FMN1: variants seen among roughly 807,000 people sequenced by gnomAD.
The protein encoded by FMN1 is formin-1.
A neutral mutation model predicts 132.4 loss-of-function variants in FMN1; 110 were observed. That is an observed-to-expected ratio of 0.83 (90% CI 0.71 to 0.97). The LOEUF is 0.97. Ranked by LOEUF, FMN1 falls within the 50% of genes least tolerant of loss-of-function variation. FMN1 has a pLI of 0.00. For synonymous variants in FMN1, 722 were observed against 651.7 expected, an observed-to-expected ratio of 1.11 and a Z score of -1.64; for missense variants, 1,792 against 1,705.3, an observed-to-expected ratio of 1.05 and a Z score of -0.90.
At chr15:32,838,084 T>C (rs1373743291) in intron 17 of FMN1, among the ~76,000 whole-genome samples, 1 of 151,900 alleles carries the variant, frequency 6.6e-6, no homozygotes, top group Non-Finnish European at 1.5e-5. Context: ...ACAACCACAA[T>C]AAAAGGCCGG....
chr15:33,144,906 T>C (rs1455402013), intron 4 of FMN1, among the ~76,000 whole-genome samples: 1 of 152,214 alleles, frequency 6.6e-6, no homozygotes, highest in African/African-American at 2.4e-5. Flanking sequence ...GTAATTATAA[T>C]AAAGCTAATT....
intron 7 of FMN1, among the ~76,000 whole-genome samples, chr15:32,982,039 G>GA (rs895663093): frequency 4.9e-4 from 74 of 150,778 alleles, no homozygotes; most frequent in Admixed American, 7.9e-4. Context: ...CAAAAATAAG[G>GA]AAAAAAAAAT....
chr15:33,047,348 G>A (rs192068010), intron 6 of FMN1, among the ~76,000 whole-genome samples: 110 of 152,306 alleles, frequency 7.2e-4, no homozygotes, highest in Non-Finnish European at 8.8e-5. Context: ...GTTTTCACCT[G>A]TGAGGTTACT....
intron 16 of FMN1, among the ~76,000 whole-genome samples, chr15:32,884,145 A>T (rs1410914456): frequency 6.6e-6 from 1 of 152,174 alleles, no homozygotes. Context: ...TACTATAATA[A>T]ATTAGCACAA....
chr15:33,099,120 A>C (rs1285635194), intron 4 of FMN1, among the ~76,000 whole-genome samples: 1 of 152,030 alleles, frequency 6.6e-6, no homozygotes, highest in African/African-American at 2.4e-5. Flanking sequence ...ATCTACAAAA[A>C]AAAGACCCAA....
chr15:32,812,123 A>T (rs1367140232), intron 17 of FMN1, among the ~76,000 whole-genome samples: 1 of 152,200 alleles, frequency 6.6e-6, no homozygotes, highest in Non-Finnish European at 1.5e-5. Context: ...TGAACTGCAG[A>T]ACACAGAAAA....
intron 19 of FMN1, among the ~76,000 whole-genome samples, chr15:32,797,649 T>C (rs973483019): frequency 6.6e-6 from 1 of 152,156 alleles, no homozygotes; most frequent in African/African-American, 2.4e-5. Context: ...TTAATTCCCA[T>C]GTTCCCAAAG....
chr15:32,776,844 A>T lies in FMN1; in HGVS notation c.4206T>A (p.Thr1402=), dbSNP rs1377877279. The stretch of plus-strand genomic sequence containing the variant: ...GAAAAATATATCTCACCAGGCTAGC[A>T]GTGGGATTGATTTTCTTTGTCTCCA... The part of the protein sequence containing the change: ...KKVETKKINP[T]ASLKERLRQK... Residue 1402 remains threonine (T), a synonymous_variant, in exon 20 of 21, where the codon ACT becomes ACA. Transcript: ENST00000616417. 1 of 1,576,884 alleles carries T rather than the reference A, an allele frequency of 6.3e-7. No individual in the cohort carries two copies. Among genetic ancestry groups the T allele is most frequent in the Non-Finnish European group, 8.7e-7 (1 of 1,153,496 alleles).
At chr15:33,111,665 G>T (rs976280584) in intron 4 of FMN1, among the ~76,000 whole-genome samples, 2 of 152,082 alleles carry the variant, frequency 1.3e-5, no homozygotes, top group African/African-American at 4.8e-5. Flanking sequence ...TCAAAAACAT[G>T]CTAAGTAGAT....
At chr15:32,991,992 A>G (rs986925317) in intron 7 of FMN1, among the ~76,000 whole-genome samples, 3 of 152,198 alleles carry the variant, frequency 2.0e-5, no homozygotes, top group African/African-American at 7.2e-5. Context: ...ACCATGAACT[A>G]TAGACCTTGT....
At chr15:32,920,158 T>C (rs1264921099) in intron 10 of FMN1, among the ~76,000 whole-genome samples, 1 of 152,114 alleles carries the variant, frequency 6.6e-6, no homozygotes, top group Admixed American at 6.6e-5. Context: ...TCAAGAATAG[T>C]CAACAGCAAT....
intron 16 of FMN1, among the ~76,000 whole-genome samples, chr15:32,883,796 G>C (rs1212238153): frequency 2.0e-5 from 3 of 152,264 alleles, no homozygotes; most frequent in Admixed American, 1.3e-4. Flanking sequence ...CATGCTTTAA[G>C]TTAGGAAATG....
chr15:32,840,455 C>T (rs2058722139), intron 17 of FMN1, among the ~76,000 whole-genome samples: 1 of 152,168 alleles, frequency 6.6e-6, no homozygotes, highest in Non-Finnish European at 1.5e-5. Context: ...AAGATACTAC[C>T]GAGGACCTAA....
intron 17 of FMN1, among the ~76,000 whole-genome samples, chr15:32,854,736 A>G (rs2059085963): frequency 6.6e-6 from 1 of 152,002 alleles, no homozygotes; most frequent in Non-Finnish European, 1.5e-5. Flanking sequence ...AACATAGTGA[A>G]ACCCCATGTC....
intron 6 of FMN1, among the ~76,000 whole-genome samples, chr15:33,020,752 A>G (rs2035376557): frequency 6.6e-6 from 1 of 152,158 alleles, no homozygotes; most frequent in Admixed American, 6.5e-5. Flanking sequence ...GAAACAGCAC[A>G]CATTTCCAAC....
chr15:33,067,221 C>G (rs760300068), intron 5 of FMN1: 5 of 1,613,376 alleles, frequency 3.1e-6, no homozygotes, highest in Admixed American at 1.7e-5. Context: ...TGAAGACCAC[C>G]GTTGCCAGCT....
intron 17 of FMN1, among the ~76,000 whole-genome samples, chr15:32,823,287 G>A (rs1408932285): frequency 2.0e-5 from 3 of 147,596 alleles, no homozygotes; most frequent in East Asian, 4.0e-4. Context: ...TCAGCCTCCC[G>A]AGTAGCTGGG....
intron 6 of FMN1, among the ~76,000 whole-genome samples, chr15:33,013,538 T>A (rs1250922731): frequency 6.6e-6 from 1 of 152,196 alleles, no homozygotes; most frequent in East Asian, 1.9e-4. Flanking sequence ...AAATGAAAAA[T>A]TATTCTTTAA....
At chr15:32,988,071 C>CT (rs2033192927) in intron 7 of FMN1, among the ~76,000 whole-genome samples, 1 of 78,616 alleles carries the variant, frequency 1.3e-5, no homozygotes, top group African/African-American at 4.6e-5. Flanking sequence ...TTTTTTTTTT[C>CT]TTTTTTTAGG....
Sources: gnomAD v4.1 joint callset for allele counts (sites outside exome capture counted in the v4.1 genomes callset) on GRCh38, gnomAD v4.1.1 for gene constraint, MANE v1.5 for transcripts, NCBI Gene and HGNC (gene_info 2026-07-23, HGNC 2026-07-21) for gene names.